NXPE2: variants seen among roughly 807,000 people sequenced by gnomAD.
NXPE2 encodes NXPE family member 2.
NXPE2 carries 34 observed loss-of-function variants against 34.4 expected under a neutral mutation model. That is an observed-to-expected ratio of 0.99 (90% CI 0.75 to 1.31). NXPE2 has a LOEUF of 1.31. Ranked by LOEUF, NXPE2 falls within the 40% of genes most tolerant of loss-of-function variation. NXPE2 has a pLI of 0.00. For missense variants in NXPE2, 649 were observed against 672.5 expected, an observed-to-expected ratio of 0.97 and a Z score of 0.39; for synonymous variants, 235 against 231.3, an observed-to-expected ratio of 1.02 and a Z score of -0.15.
the NXPE2 span, among the ~76,000 whole-genome samples, chr11:114,734,640 T>C: frequency 1.3e-5 from 2 of 152,230 alleles, no homozygotes; most frequent in Non-Finnish European, 2.9e-5. Context: ...TCTAATTTAC[T>C]TAGTTTCATA....
chr11:114,533,741 G>A, the NXPE2 span, among the ~76,000 whole-genome samples: 1 of 152,186 alleles, frequency 6.6e-6, no homozygotes, highest in Non-Finnish European at 1.5e-5. Flanking sequence ...CTAGGGGAGG[G>A]GCACCCACCA....
At chr11:114,607,054 C>T in the NXPE2 span, among the ~76,000 whole-genome samples, 5 of 151,982 alleles carry the variant, frequency 3.3e-5, no homozygotes, top group East Asian at 3.9e-4. Context: ...AGTATTGCCT[C>T]GTGGGTAACC....
the NXPE2 span, among the ~76,000 whole-genome samples, chr11:114,805,207 A>ATTTT: frequency 2.2e-5 from 3 of 133,560 alleles, no homozygotes; most frequent in African/African-American, 8.8e-5. Context: ...TTTTTTTTTA[A>ATTTT]AAAAGGTAGG....
chr11:114,588,183 C>T, the NXPE2 span, among the ~76,000 whole-genome samples: 1 of 152,138 alleles, frequency 6.6e-6, no homozygotes, highest in Non-Finnish European at 1.5e-5. Flanking sequence ...CTTGTCCTCC[C>T]TCTCTGGGGC....
At chr11:114,596,027 CTGA>C in the NXPE2 span, among the ~76,000 whole-genome samples, 1 of 152,062 alleles carries the variant, frequency 6.6e-6, no homozygotes, top group South Asian at 2.1e-4. Context: ...CAATAAATAA[CTGA>C]TGAGAAAAAG....
At chr11:114,613,263 G>T in the NXPE2 span, among the ~76,000 whole-genome samples, 1 of 151,954 alleles carries the variant, frequency 6.6e-6, no homozygotes, top group Non-Finnish European at 1.5e-5. Context: ...AATAAGCATT[G>T]CCTCACAGGT....
chr11:114,475,235 T>TG, the NXPE2 span, among the ~76,000 whole-genome samples: 1 of 23,554 alleles, frequency 4.2e-5, no homozygotes, highest in Non-Finnish European at 7.4e-5. Context: ...TGTTTTTTTT[T>TG]TTTTTTTTTT....
the NXPE2 span, among the ~76,000 whole-genome samples, chr11:114,546,771 A>T: frequency 6.6e-6 from 1 of 152,142 alleles, no homozygotes; most frequent in Non-Finnish European, 1.5e-5. Context: ...AATATACAAG[A>T]TGAGCCTAAA....
At chr11:114,795,917 A>G in the NXPE2 span, among the ~76,000 whole-genome samples, 4 of 152,314 alleles carry the variant, frequency 2.6e-5, no homozygotes, top group South Asian at 8.3e-4. Flanking sequence ...AGTTGCTTAT[A>G]TGGTATGATT....
chr11:114,529,336 G>A, the NXPE2 span: 3 of 152,438 alleles, frequency 2.0e-5, no homozygotes, highest in African/African-American at 7.2e-5. Context: ...TCACAGTTCT[G>A]GGATTTGTGA....
At chr11:114,716,933 G>T in the NXPE2 span, among the ~76,000 whole-genome samples, 1 of 152,210 alleles carries the variant, frequency 6.6e-6, no homozygotes, top group Admixed American at 6.5e-5. Context: ...TACAGCAGGG[G>T]TCAGCAAACT....
At chr11:114,803,387 G>A in the NXPE2 span, among the ~76,000 whole-genome samples, 2 of 152,252 alleles carry the variant, frequency 1.3e-5, no homozygotes, top group South Asian at 2.1e-4. Flanking sequence ...TGTTCTGGTG[G>A]CTATAACAAG....
chr11:114,783,005 C>T, the NXPE2 span, among the ~76,000 whole-genome samples: 1 of 152,208 alleles, frequency 6.6e-6, no homozygotes, highest in African/African-American at 2.4e-5. Context: ...AAACGCATAA[C>T]TCGAAATCTC....
the NXPE2 span, among the ~76,000 whole-genome samples, chr11:114,622,994 C>T: frequency 6.6e-6 from 1 of 151,948 alleles, no homozygotes; most frequent in East Asian, 1.9e-4. Flanking sequence ...ACCACGGTTA[C>T]CTGGTGGATA....
the NXPE2 span, chr11:114,513,499 A>G: frequency 1.0e-5 from 2 of 194,554 alleles, no homozygotes; most frequent in Non-Finnish European, 2.1e-5. Flanking sequence ...ATGTGTATGA[A>G]GCTGAACCTG....
chr11:114,677,795 G>A (rs994927969), upstream of NXPE2, among the ~76,000 whole-genome samples: 2 of 151,948 alleles, frequency 1.3e-5, no homozygotes, highest in South Asian at 4.1e-4. Flanking sequence ...TGTATATAGA[G>A]ATCTATATCT....
chr11:114,602,106 A>ATATATAATTATATATAACATATATTATAC, the NXPE2 span, among the ~76,000 whole-genome samples: 3 of 97,296 alleles, frequency 3.1e-5, no homozygotes, highest in African/African-American at 8.5e-5. Flanking sequence ...ATATATTATA[A>ATATATAATTATATATAACATATATTATAC]TATATATAAT....
the NXPE2 span, among the ~76,000 whole-genome samples, chr11:114,636,465 A>C: frequency 2.6e-5 from 4 of 151,406 alleles, no homozygotes; most frequent in Admixed American, 6.6e-5. Context: ...TATTTCCTTC[A>C]GTTCTGCTCT....
chr11:114,610,172 T>C, the NXPE2 span, among the ~76,000 whole-genome samples: 1 of 151,898 alleles, frequency 6.6e-6, no homozygotes, highest in Non-Finnish European at 1.5e-5. Flanking sequence ...TGTTACCTGG[T>C]GGATAATAAG....
Sources: allele counts gnomAD v4.1 joint callset (sites outside exome capture counted in the v4.1 genomes callset), GRCh38; gene constraint gnomAD v4.1.1; transcripts MANE v1.5; gene names NCBI Gene and HGNC (gene_info 2026-07-23, HGNC 2026-07-21).